Variants in AFF2 observed in about 807,000 individuals in gnomAD.
AFF2 encodes the protein ALF transcription elongation factor 2.
Under a neutral mutation model 76.9 loss-of-function variants are expected in AFF2, and 14 were observed. The observed-to-expected ratio is 0.18, with a 90% confidence interval of 0.12 to 0.28. The LOEUF is 0.28. Ranked by LOEUF, AFF2 falls within the 10% of genes least tolerant of loss-of-function variation. The pLI, the probability that AFF2 is intolerant of heterozygous loss-of-function variation, is 1.00. For synonymous variants in AFF2, 398 were observed against 366.7 expected (o/e 1.09, Z -0.98); for missense variants, 868 against 1,001.1 (o/e 0.87, Z 1.79).
chrX:148,612,415 T>G (rs1317697197), intron 1 of AFF2, among the ~76,000 whole-genome samples: 1 of 112,481 alleles, frequency 8.9e-6, no homozygotes, highest in Admixed American at 9.4e-5. Context: ...TTACCAAAGC[T>G]ATTGAATATA....
At chrX:148,720,216 G>GT (rs1186801439) in intron 3 of AFF2, among the ~76,000 whole-genome samples, 2 of 110,508 alleles carry the variant, frequency 1.8e-5, no homozygotes, top group African/African-American at 6.6e-5. Context: ...TTTAATTTTG[G>GT]TGGGGGGAAG....
intron 4 of AFF2, among the ~76,000 whole-genome samples, chrX:148,821,402 G>C (rs782549277): frequency 1.8e-5 from 2 of 110,938 alleles, no homozygotes; most frequent in African/African-American, 3.3e-5. Flanking sequence ...CCAGTACCTA[G>C]AGGATAAACT....
At chrX:148,738,084 T>C (rs2124560711) in intron 3 of AFF2, among the ~76,000 whole-genome samples, 1 of 111,446 alleles carries the variant, frequency 9.0e-6, no homozygotes, top group Non-Finnish European at 1.9e-5. Flanking sequence ...GTTTTCTTTT[T>C]GGTTATGTCC....
At chrX:148,765,799 A>G (rs1230954147) in intron 3 of AFF2, among the ~76,000 whole-genome samples, 13 of 106,939 alleles carry the variant, frequency 1.2e-4, no homozygotes, top group African/African-American at 3.4e-4. Context: ...GGTGTGCTGC[A>G]CTCACTAACT....
At chrX:148,861,972 T>C (rs782719040) in intron 7 of AFF2, among the ~76,000 whole-genome samples, 6 of 110,256 alleles carry the variant, frequency 5.4e-5, no homozygotes, top group East Asian at 5.8e-4. Context: ...TGTTTTTTTT[T>C]CCCCCCTCAG....
intron 3 of AFF2, among the ~76,000 whole-genome samples, chrX:148,758,336 C>G (rs2069400133): frequency 1.8e-5 from 2 of 112,687 alleles, no homozygotes; most frequent in East Asian, 2.8e-4. Context: ...TATTGGATAG[C>G]TGTTTTTGTG....
chrX:148,694,303 A>G (rs2054689189), intron 3 of AFF2, among the ~76,000 whole-genome samples: 1 of 110,968 alleles, frequency 9.0e-6, no homozygotes, highest in African/African-American at 3.3e-5. Flanking sequence ...GTACCCTAAA[A>G]CTTAAAGTAT....
intron 9 of AFF2, among the ~76,000 whole-genome samples, chrX:148,939,619 C>T (rs1361541544): frequency 1.8e-5 from 2 of 111,903 alleles, no homozygotes; most frequent in African/African-American, 6.5e-5. Context: ...CTGTCCTTAG[C>T]CAGCTAATAG....
intron 3 of AFF2, among the ~76,000 whole-genome samples, chrX:148,667,240 G>T (rs1401390065): frequency 8.9e-6 from 1 of 112,394 alleles, no homozygotes; most frequent in Non-Finnish European, 1.9e-5. Flanking sequence ...GACTGTGCCT[G>T]TTTTGTTTCA....
intron 1 of AFF2, among the ~76,000 whole-genome samples, chrX:148,639,140 G>A (rs782705002): frequency 1.8e-5 from 2 of 112,022 alleles, no homozygotes; most frequent in Non-Finnish European, 3.8e-5. Context: ...GTGCCTGTCT[G>A]GCCTATTTCT....
At chrX:148,578,600 T>C (rs1408877485) in intron 1 of AFF2, among the ~76,000 whole-genome samples, 1 of 112,193 alleles carries the variant, frequency 8.9e-6, no homozygotes, top group Non-Finnish European at 1.9e-5. Flanking sequence ...AGGTGCCCAA[T>C]ACATGTTCCT....
intron 3 of AFF2, among the ~76,000 whole-genome samples, chrX:148,666,796 G>A (rs1396748554): frequency 9.0e-6 from 1 of 110,949 alleles, no homozygotes; most frequent in Non-Finnish European, 1.9e-5. Context: ...TGCAGATGGT[G>A]CTTTATTAGG....
At chrX:148,967,127 G>A in intron 14 of AFF2, 48 bp downstream of exon 14, 2 of 1,189,761 alleles carry the variant, frequency 1.7e-6, no homozygotes, top group South Asian at 3.7e-5. Flanking sequence ...GTGAATGGGG[G>A]GTGGGGGTAG....
At chrX:148,833,076 A>G (rs1461462678) in intron 4 of AFF2, among the ~76,000 whole-genome samples, 2 of 111,115 alleles carry the variant, frequency 1.8e-5, no homozygotes, top group African/African-American at 6.5e-5. Context: ...GCCAAGTATA[A>G]TGATAGCCTG....
chrX:148,585,492 T>A (rs1188213420), intron 1 of AFF2, among the ~76,000 whole-genome samples: 1 of 111,696 alleles, frequency 9.0e-6, no homozygotes, highest in East Asian at 2.8e-4. Flanking sequence ...CAATACACAT[T>A]TGCTATTTAT....
At chrX:148,955,198 G>T (rs2072018453) in intron 10 of AFF2, among the ~76,000 whole-genome samples, 2 of 112,257 alleles carry the variant, frequency 1.8e-5, no homozygotes, top group Non-Finnish European at 1.9e-5. Context: ...GTTCCTTTCA[G>T]GATCAGAGAC....
Position 148,973,497 on chromosome X carries a change from T to C in AFF2, c.3294T>C (p.Asn1098=), listed in dbSNP as rs782136986. ...ALFEKFGKAV[N]YADAALSFTE... ...TCGAGAAATTTGGCAAAGCTGTGAATTATGCTGATGCCGCCCTCTCCTTCA... is the reference window on the plus strand; with the variant it reads ...TCGAGAAATTTGGCAAAGCTGTGAACTATGCTGATGCCGCCCTCTCCTTCA... Residue 1098 remains asparagine (N), a synonymous_variant, in exon 16 of 21, where the codon AAT becomes AAC. Transcript: ENST00000370460. 2.5e-6 allele frequency: 3 copies of C among 1,209,876 alleles called. No homozygotes were observed. The highest frequency in any genetic ancestry group is 3.4e-6 in the Non-Finnish European group (3 of 895,104).
At chrX:148,651,932 G>A in intron 1 of AFF2, 67 bp from the exon 2 acceptor site, 1 of 1,059,261 alleles carries the variant, frequency 9.4e-7, no homozygotes. Context: ...TGACAGCAAG[G>A]AAAATTTAAA....
intron 3 of AFF2, among the ~76,000 whole-genome samples, chrX:148,681,629 G>A (rs1324664156): frequency 1.0e-5 from 1 of 97,848 alleles, no homozygotes; most frequent in African/African-American, 3.8e-5. Context: ...AAGAAAGAAA[G>A]AAAGAGAAGA....
Sources: gnomAD v4.1 joint callset for allele counts (sites outside exome capture counted in the v4.1 genomes callset) on GRCh38, gnomAD v4.1.1 for gene constraint, MANE v1.5 for transcripts, NCBI Gene and HGNC (gene_info 2026-07-23, HGNC 2026-07-21) for gene names.